Variants in CFAP58 observed in about 807,000 individuals in gnomAD.
The protein encoded by CFAP58 is cilia- and flagella-associated protein 58.
In CFAP58, 88 loss-of-function variants were observed where a neutral mutation model predicts 119.5. That is an observed-to-expected ratio of 0.74 (90% confidence interval 0.62 to 0.88). The LOEUF (loss-of-function observed/expected upper bound fraction) is 0.88. CFAP58 is among the 40% of genes least tolerant of loss of function. The probability of loss-of-function intolerance (pLI) is 0.00; values close to 1 mark genes in which losing one functional copy is unlikely to be tolerated. For synonymous variants in CFAP58, 365 were observed against 366.3 expected, an observed-to-expected ratio of 1.00 and a Z score of 0.04; for missense variants, 990 against 1,021.2, an observed-to-expected ratio of 0.97 and a Z score of 0.42.
chr10:104,361,049 GA>G (rs2014659842), intron 2 of CFAP58, among the ~76,000 whole-genome samples: 1 of 152,122 alleles, frequency 6.6e-6, no homozygotes, highest in South Asian at 2.1e-4. Context: ...CCACCCCCAT[GA>G]TTCAATCACC....
At chr10:104,454,130 G>A (rs1253568754) in intron 17 of CFAP58, among the ~76,000 whole-genome samples, 1 of 152,112 alleles carries the variant, frequency 6.6e-6, no homozygotes, top group African/African-American at 2.4e-5. Flanking sequence ...TTATAAAACA[G>A]GAAGATGATT....
chr10:104,390,457 C>T (rs72825882), intron 9 of CFAP58, among the ~76,000 whole-genome samples: 1 of 152,182 alleles, frequency 6.6e-6, no homozygotes, highest in African/African-American at 2.4e-5. Context: ...TGTCTATTTA[C>T]TCATTGAATA....
At chr10:104,405,960 G>A (rs2012351191) in intron 14 of CFAP58, among the ~76,000 whole-genome samples, 1 of 152,130 alleles carries the variant, frequency 6.6e-6, no homozygotes, top group African/African-American at 2.4e-5. Flanking sequence ...AACCAGGTGT[G>A]GTGGCATGTG....
chr10:104,379,105 A>G (rs1037951881), intron 8 of CFAP58, among the ~76,000 whole-genome samples: 1 of 152,156 alleles, frequency 6.6e-6, no homozygotes, highest in Non-Finnish European at 1.5e-5. Context: ...AACCGTCACC[A>G]CAATCTAGTT....
At chr10:104,350,986 C>G (rs1000560457), upstream of CFAP58, among the ~76,000 whole-genome samples, 2 of 152,128 alleles carry the variant, frequency 1.3e-5, no homozygotes, top group Admixed American at 6.5e-5. Context: ...TGACCAGGGC[C>G]CTCTAGGTCT....
intron 15 of CFAP58, among the ~76,000 whole-genome samples, chr10:104,435,119 T>C (rs1330247039): frequency 1.3e-5 from 2 of 152,238 alleles, no homozygotes; most frequent in African/African-American, 4.8e-5. Context: ...GATGTGTCTG[T>C]CCATCAGCAC....
At chr10:104,356,495 A>G (rs936593460) in intron 1 of CFAP58, among the ~76,000 whole-genome samples, 1 of 152,188 alleles carries the variant, frequency 6.6e-6, no homozygotes, top group Non-Finnish European at 1.5e-5. Flanking sequence ...ATAATGTTGC[A>G]AACGTAAGTA....
chr10:104,442,064 A>G (rs920098598), intron 15 of CFAP58, among the ~76,000 whole-genome samples: 3 of 152,214 alleles, frequency 2.0e-5, no homozygotes, highest in Admixed American at 2.0e-4. Flanking sequence ...GCTTTTATAT[A>G]CAGAGGGAAG....
chr10:104,383,797 C>T (rs17755170), intron 9 of CFAP58, among the ~76,000 whole-genome samples: 362 of 151,140 alleles, frequency 2.4e-3, no homozygotes, highest in Non-Finnish European at 3.7e-3. Context: ...TTCTCACAAA[C>T]GAAAAGCTCC....
intron 1 of CFAP58, among the ~76,000 whole-genome samples, chr10:104,354,518 A>C (rs2135238201): frequency 6.6e-6 from 1 of 152,028 alleles, no homozygotes; most frequent in East Asian, 1.9e-4. Flanking sequence ...TTATTTCTGC[A>C]ACCCTTCAGT....
intron 5 of CFAP58, among the ~76,000 whole-genome samples, chr10:104,368,077 C>T (rs1162811111): frequency 6.6e-6 from 1 of 152,248 alleles, no homozygotes; most frequent in Admixed American, 6.5e-5. Flanking sequence ...ATCTCTAGCT[C>T]ATTTGCAATG....
chr10:104,389,468 A>G (rs997653799), intron 9 of CFAP58, among the ~76,000 whole-genome samples: 6 of 151,570 alleles, frequency 4.0e-5, no homozygotes, highest in Admixed American at 3.3e-4. Context: ...GACTGAACAA[A>G]CAATTTTTTT....
At chr10:104,433,343 C>A (rs1410235836) in intron 15 of CFAP58, among the ~76,000 whole-genome samples, 1 of 152,208 alleles carries the variant, frequency 6.6e-6, no homozygotes, top group African/African-American at 2.4e-5. Flanking sequence ...CCACCTTAGC[C>A]TCCCAGAGCA....
chr10:104,339,981 C>T, the CFAP58 span, among the ~76,000 whole-genome samples: 4 of 152,290 alleles, frequency 2.6e-5, no homozygotes, highest in African/African-American at 4.8e-5. Flanking sequence ...TGCTGGAATG[C>T]CAAGGTTAGT....
At chr10:104,386,923 T>A (rs1008961384) in intron 9 of CFAP58, among the ~76,000 whole-genome samples, 2 of 152,234 alleles carry the variant, frequency 1.3e-5, no homozygotes, top group African/African-American at 4.8e-5. Context: ...TGTGAGTGAC[T>A]TCCAGACCTG....
chr10:104,438,553 T>C (rs1374337360), intron 15 of CFAP58, among the ~76,000 whole-genome samples: 2 of 151,958 alleles, frequency 1.3e-5, no homozygotes, highest in Non-Finnish European at 2.9e-5. Flanking sequence ...TTTTTTGTAT[T>C]TTTAGTAGAG....
intron 1 of CFAP58, among the ~76,000 whole-genome samples, chr10:104,357,863 AT>A (rs2014577409): frequency 1.6e-5 from 2 of 129,016 alleles, no homozygotes; most frequent in South Asian, 4.6e-4. Context: ...ATATACACAT[AT>A]ATACACATAT....
At chr10:104,345,041 G>C in the CFAP58 span, among the ~76,000 whole-genome samples, 1 of 151,986 alleles carries the variant, frequency 6.6e-6, no homozygotes, top group Non-Finnish European at 1.5e-5. Flanking sequence ...CAGCTACTCG[G>C]GAGGCTGAGG....
chr10:104,350,999 A>T (rs547152873), upstream of CFAP58, among the ~76,000 whole-genome samples: 1 of 152,252 alleles, frequency 6.6e-6, no homozygotes, highest in Admixed American at 6.5e-5. Flanking sequence ...CTAGGTCTTT[A>T]TTTTTGTTAT....
Sources: gnomAD v4.1 joint callset for allele counts (sites outside exome capture counted in the v4.1 genomes callset) on GRCh38, gnomAD v4.1.1 for gene constraint, MANE v1.5 for transcripts, NCBI Gene and HGNC (gene_info 2026-07-23, HGNC 2026-07-21) for gene names.